The following GABRB3 variants were observed in gnomAD, a reference collection of about 807,000 sequenced individuals.
The protein encoded by GABRB3 is gamma-aminobutyric acid type A receptor subunit beta3.
In GABRB3, 14 loss-of-function variants were observed where a neutral mutation model predicts 52.1. The ratio of observed to expected loss-of-function variants is 0.27; its 90% CI spans 0.18 to 0.42. GABRB3 has a LOEUF of 0.42. Among genes scored for constraint, GABRB3 ranks in the 10% least tolerant of loss-of-function variants. The probability of loss-of-function intolerance (pLI) is 1.00; values close to 1 mark genes in which losing one functional copy is unlikely to be tolerated. For missense variants in GABRB3, 307 were observed against 609.1 expected (o/e 0.50, Z 5.22); for synonymous variants, 260 against 232.3 (o/e 1.12, Z -1.08).
chr15:26,627,068 C>T (rs1027127593), intron 3 of GABRB3, among the ~76,000 whole-genome samples: 1 of 152,150 alleles, frequency 6.6e-6, no homozygotes, highest in African/African-American at 2.4e-5. Context: ...CCAATGCTCA[C>T]CCACCATTTT....
chr15:26,728,313 A>C (rs865856793), intron 3 of GABRB3, among the ~76,000 whole-genome samples: 1 of 152,188 alleles, frequency 6.6e-6, no homozygotes, highest in African/African-American at 2.4e-5. Flanking sequence ...CCCTCCATGT[A>C]TTCTGGTTCC....
intron 3 of GABRB3, among the ~76,000 whole-genome samples, chr15:26,771,457 G>A (rs1344286536): frequency 6.6e-6 from 1 of 152,156 alleles, no homozygotes; most frequent in Non-Finnish European, 1.5e-5. Flanking sequence ...TTGTATGTCC[G>A]AAAGAAAAGT....
At chr15:26,625,482 A>C in intron 3 of GABRB3, 1 of 985,370 alleles carries the variant, frequency 1.0e-6, no homozygotes, top group Non-Finnish European at 1.2e-6. Flanking sequence ...TCACAAAGAG[A>C]TGGAATTTGC....
intron 3 of GABRB3, among the ~76,000 whole-genome samples, chr15:26,727,250 T>C (rs545559239): frequency 6.6e-6 from 1 of 152,354 alleles, no homozygotes; most frequent in South Asian, 2.1e-4. Flanking sequence ...GAATGACGAC[T>C]GTCTAATTCC....
intron 3 of GABRB3, among the ~76,000 whole-genome samples, chr15:26,627,725 G>C (rs1253260536): frequency 6.6e-6 from 1 of 152,088 alleles, no homozygotes; most frequent in Non-Finnish European, 1.5e-5. Context: ...AGCAAAGAGT[G>C]GTTTCTTGAG....
chr15:26,721,591 C>T (rs561525243), intron 3 of GABRB3, among the ~76,000 whole-genome samples: 1 of 151,758 alleles, frequency 6.6e-6, no homozygotes, highest in Admixed American at 6.6e-5. Flanking sequence ...TAATCTTCTG[C>T]TTGTTTTTCT....
At chr15:26,688,351 C>T (rs1888473087) in intron 3 of GABRB3, among the ~76,000 whole-genome samples, 1 of 152,148 alleles carries the variant, frequency 6.6e-6, no homozygotes, top group South Asian at 2.1e-4. Flanking sequence ...TGACCCCAGC[C>T]AGCCCTTCCC....
chr15:26,549,158 G>C (rs1191864180), intron 8 of GABRB3, among the ~76,000 whole-genome samples: 1 of 152,204 alleles, frequency 6.6e-6, no homozygotes, highest in Admixed American at 6.5e-5. Context: ...ACAAAACACA[G>C]TTATTTTGTG....
intron 3 of GABRB3, among the ~76,000 whole-genome samples, chr15:26,659,962 T>C (rs1405326645): frequency 2.0e-5 from 3 of 152,158 alleles, no homozygotes; most frequent in African/African-American, 7.2e-5. Context: ...CTGGGCGTGG[T>C]GGTTCACACC....
At position 26,753,144 on chromosome 15, in the gene GABRB3, G is replaced by A. The variant is rs1473618514; in HGVS notation, c.240+19258C>T. 3.3e-5 allele frequency among the ~76,000 whole-genome samples: 5 copies of A among 152,278 alleles called. No homozygotes were observed. The East Asian group carries it at 9.7e-4, about 29-fold the overall frequency. ...TGCCCCAGGCACTGAGGGCTGCCCG[G>A]ATGTCCACAGGCACTTTCCCCAGAT... On this transcript the variant is annotated intron_variant, in intron 3 of 8. Coordinates refer to ENST00000311550, the MANE Select transcript of GABRB3 (RefSeq NM_000814.6).
chr15:26,764,176 AAAAATATATATATATATATATATATAT>A lies in GABRB3; in HGVS notation c.240+8199_240+8225del, dbSNP rs1890921416. On this transcript the variant is annotated intron_variant, in intron 3 of 8. Coordinates refer to ENST00000311550, the MANE Select transcript of GABRB3 (RefSeq NM_000814.6). ...AAAAAAAAAAAAAAAAAAAAAAAAA[AAAAATATATATATATATATATATATAT>A]ATATATATATATATATATATATATA... Among the ~76,000 whole-genome samples, 13 of 12,234 alleles carry A rather than the reference AAAAATATATATATATATATATATATAT, an allele frequency of 1.1e-3. 2 individuals are homozygous for A. The South Asian group carries it at 0.022, about 20-fold the overall frequency. 8.0% of individuals were successfully genotyped at this position (12,234 alleles called of 152,430 possible). A position where few individuals can be genotyped will look rare whatever the true frequency, so the allele number is the denominator to read the frequency against.
intron 3 of GABRB3, among the ~76,000 whole-genome samples, chr15:26,710,394 T>C (rs1336173564): frequency 2.0e-5 from 3 of 152,214 alleles, no homozygotes; most frequent in African/African-American, 7.2e-5. Context: ...CTCCAGTAGC[T>C]GGGATTACAG....
chr15:26,616,183 G>T, intron 4 of GABRB3: 1 of 819,544 alleles, frequency 1.2e-6, no homozygotes, highest in Non-Finnish European at 1.8e-6. Flanking sequence ...GGGCCTTGGG[G>T]CCAAGGAGAG....
intron 8 of GABRB3, among the ~76,000 whole-genome samples, chr15:26,551,312 G>A (rs1413219845): frequency 6.6e-6 from 1 of 152,200 alleles, no homozygotes; most frequent in Non-Finnish European, 1.5e-5. Context: ...TGAGAAGAGA[G>A]TGCAGAGAGG....
At chr15:26,659,768 A>C (rs2140608233) in intron 3 of GABRB3, among the ~76,000 whole-genome samples, 1 of 152,328 alleles carries the variant, frequency 6.6e-6, no homozygotes, top group Middle Eastern at 3.4e-3. Flanking sequence ...CCTGGAGAGC[A>C]AGCACCATCC....
chr15:26,721,109 C>A (rs756781069), intron 3 of GABRB3, among the ~76,000 whole-genome samples: 4 of 152,120 alleles, frequency 2.6e-5, no homozygotes, highest in Non-Finnish European at 5.9e-5. Flanking sequence ...TGTGTGGATG[C>A]TCCGGCTGTG....
At position 26,621,305 on chromosome 15, in the gene GABRB3, C is replaced by A; in HGVS notation, c.461+9G>T. 1 of 1,611,926 alleles carries A rather than the reference C, an allele frequency of 6.2e-7. No homozygotes were observed. Among genetic ancestry groups the A allele is most frequent in the Non-Finnish European group, 8.5e-7 (1 of 1,179,042 alleles). ...AACAGCAAAATTGGTCCTGAAGAGG[C>A]ACACAGACCTGAGCCCATACAGCAC... On this transcript the variant is annotated intron_variant, in intron 4 of 8. Transcript: ENST00000311550. The surrounding 1 kb of genome is among the most constrained non-coding windows in gnomAD (Gnocchi z 4.1).
intron 8 of GABRB3, among the ~76,000 whole-genome samples, chr15:26,553,705 T>C (rs1381253859): frequency 1.3e-5 from 2 of 152,010 alleles, no homozygotes; most frequent in East Asian, 3.9e-4. Flanking sequence ...AGACCATTCA[T>C]TAAAACATTA....
At chr15:26,567,434 A>C in intron 7 of GABRB3, 147 bp downstream of exon 7, 1 of 733,162 alleles carries the variant, frequency 1.4e-6, no homozygotes, top group Non-Finnish European at 2.4e-6. Context: ...GCGTGAAATT[A>C]GTGTTTCAAG....
Sources: gnomAD v4.1 joint callset for allele counts (sites outside exome capture counted in the v4.1 genomes callset) on GRCh38, gnomAD v4.1.1 for gene constraint, Gnocchi (gnomAD v3.1) non-coding constraint, MANE v1.5 for transcripts, NCBI Gene and HGNC (gene_info 2026-07-23, HGNC 2026-07-21) for gene names.